Variants in DGKZ observed in about 807,000 individuals in gnomAD.
The protein encoded by DGKZ is diacylglycerol kinase zeta.
A neutral mutation model predicts 142.5 loss-of-function variants in DGKZ; 45 were observed. The observed-to-expected ratio is 0.32, with a 90% CI of 0.25 to 0.40. The LOEUF (loss-of-function observed/expected upper bound fraction) is 0.40, where lower values mean the gene tolerates loss of function less well. Ranked by LOEUF, DGKZ falls within the 10% of genes least tolerant of loss-of-function variation. The pLI is 1.00. For missense variants in DGKZ, 755 were observed against 1,306.5 expected (o/e 0.58, Z 6.51); for synonymous variants, 442 against 527.0 (o/e 0.84, Z 2.21).
chr11:46,337,252 A>T (rs2136375729), intron 1 of DGKZ, among the ~76,000 whole-genome samples: 3 of 149,988 alleles, frequency 2.0e-5, no homozygotes, highest in Admixed American at 2.0e-4. Context: ...TGGCTTCCAA[A>T]CTGGATCACC....
In DGKZ at chr11:46,372,109, C is replaced by G. The variant is rs759224919; in HGVS notation, c.866C>G (p.Thr289Ser). 1 of 1,611,862 alleles carries G rather than the reference C, an allele frequency of 6.2e-7. No homozygotes were observed. The highest frequency in any genetic ancestry group is 2.2e-5 in the East Asian group (1 of 44,840). Residue 289 changes from threonine to serine, a missense_variant, in exon 10 of 31, where the codon ACC (threonine) becomes AGC (serine). Thr to Ser is a moderately conservative substitution (Grantham distance 58). Coordinates refer to ENST00000527911, the Ensembl canonical transcript of DGKZ. The surrounding 1 kb of genome is among the most constrained non-coding windows in gnomAD (Gnocchi z 5.9). ...TGGAGACCCTTCATCATCAGGCCCA[C>G]CCCCTCCCCGCTCATGAAGCCCCTG...
intron 1 of DGKZ, among the ~76,000 whole-genome samples, chr11:46,359,763 C>A (rs1361127469): frequency 7.4e-5 from 11 of 148,668 alleles, no homozygotes; most frequent in African/African-American, 2.5e-4. Flanking sequence ...GCCATCATGC[C>A]CGGCTAATTT....
Position 46,372,113 on chromosome 11 carries a change from C to T in DGKZ, c.870C>T (p.Pro290=), listed in dbSNP as rs766973170. The T allele has an allele frequency of 6.2e-7, 1 of 1,612,104 alleles. No homozygotes were observed. The highest frequency in any genetic ancestry group is 8.5e-7 in the Non-Finnish European group (1 of 1,179,404). Residue 290 remains proline, a synonymous_variant, in exon 10 of 31, where the codon CCC becomes CCT. Transcript: ENST00000527911. This position sits in a 1 kb window ranked among gnomAD's most constrained non-coding sequence, Gnocchi z 5.9. ...GACCCTTCATCATCAGGCCCACCCC[C>T]TCCCCGCTCATGAAGCCCCTGCTGG...
chr11:46,345,424 G>A (rs530790566), upstream of DGKZ: 25 of 1,451,474 alleles, frequency 1.7e-5, no homozygotes, highest in Non-Finnish European at 2.3e-5. This position sits in a 1 kb window ranked among gnomAD's most constrained non-coding sequence, Gnocchi z 4.1. Flanking sequence ...GCGCACCGGG[G>A]GCTGGCCACA....
intron 8 of DGKZ, 33 bp downstream of exon 8, chr11:46,371,636 C>A: frequency 6.2e-7 from 1 of 1,613,404 alleles, no homozygotes; most frequent in Non-Finnish European, 8.5e-7. Context: ...ATGCCCCGTA[C>A]GCACTTGGGG....
At chr11:46,339,207 T>C (rs1353814128) in intron 1 of DGKZ, among the ~76,000 whole-genome samples, 2 of 152,110 alleles carry the variant, frequency 1.3e-5, no homozygotes, top group Non-Finnish European at 2.9e-5. Context: ...GATCCAACTC[T>C]CCCTGCGGCT....
intron 1 of DGKZ, chr11:46,333,534 C>T: frequency 6.7e-7 from 1 of 1,499,764 alleles, no homozygotes; most frequent in Non-Finnish European, 9.0e-7. Flanking sequence ...GGGACCACCC[C>T]TCTTGCAGGC....
chr11:46,367,308 C>T lies in DGKZ; in HGVS notation c.179C>T (p.Ser60Leu), dbSNP rs568978655. 1.9e-6 allele frequency: 3 copies of T among 1,612,304 alleles called. No homozygotes were observed. Among genetic ancestry groups the T allele is most frequent in the South Asian group, 1.1e-5 (1 of 91,036 alleles). ...CTCTCTAGGAAAGCCATCACCAAGT[C>T]GGGCCTCCAGCACCTGGCCCCCCCT... Residue 60 changes from serine (S) to leucine (L), a missense_variant, in exon 2 of 31, where the codon TCG (serine) becomes TTG (leucine). Coordinates refer to ENST00000527911, the Ensembl canonical transcript of DGKZ. This position sits in a 1 kb window ranked among gnomAD's most constrained non-coding sequence, Gnocchi z 4.1.
At chr11:46,369,596 G>C in intron 5 of DGKZ, 46 bp downstream of exon 5, 6 of 1,609,412 alleles carry the variant, frequency 3.7e-6, no homozygotes, top group Non-Finnish European at 5.1e-6. Context: ...TAAGATTCCT[G>C]CATGGGCCTC....
At chr11:46,351,849 T>G (rs573904951) in intron 1 of DGKZ, among the ~76,000 whole-genome samples, 54 of 152,338 alleles carry the variant, frequency 3.5e-4, no homozygotes, top group Non-Finnish European at 7.1e-4. Context: ...AGTCTCCCTC[T>G]GTGCCAAACG....
chr11:46,347,275 G>A, upstream of DGKZ: 2 of 979,578 alleles, frequency 2.0e-6, no homozygotes, highest in Non-Finnish European at 2.4e-6. The surrounding 1 kb of genome is among the most constrained non-coding windows in gnomAD (Gnocchi z 6.4). Context: ...CGGGCTGGGG[G>A]CAGGGCTTTC....
At chr11:46,366,080 C>A in intron 1 of DGKZ, 2 of 985,408 alleles carry the variant, frequency 2.0e-6, no homozygotes, top group Non-Finnish European at 2.4e-6. Context: ...GCAGTGACCC[C>A]TCCCTCCCTC....
Position 46,379,249 on chromosome 11 carries a change from G to T in DGKZ, c.2573+13G>T. The T allele has an allele frequency of 6.2e-7, 1 of 1,613,192 alleles. No homozygotes were observed. The highest frequency in any genetic ancestry group is 8.5e-7 in the Non-Finnish European group (1 of 1,179,948). ...CGGTGGAGGAAAAGTAAGTATCTGG[G>T]CAGTGCAGAACCGTGGTCACCCCGG... On this transcript the variant is annotated intron_variant, in intron 29 of 30. Transcript: ENST00000527911.
In DGKZ at chr11:46,367,386, C is replaced by T. The variant is rs758172144; in HGVS notation, c.257C>T (p.Thr86Ile). 5.0e-6 allele frequency: 8 copies of T among 1,613,134 alleles called. No individual in the cohort carries two copies. The Middle Eastern group carries it at 8.3e-4, about 167-fold the overall frequency. Reference sequence around the variant, plus strand: ...GAGTCAGAGCGGCAGATCCGGAGTACAGTGGACTGGAGCGTGAGTGCCTGA... The same window carrying T: ...GAGTCAGAGCGGCAGATCCGGAGTATAGTGGACTGGAGCGTGAGTGCCTGA... Residue 86 changes from threonine to isoleucine, a missense_variant, in exon 2 of 31, where the codon ACA (threonine) becomes ATA (isoleucine). Thr to Ile is a moderately conservative substitution (Grantham distance 89, BLOSUM62 -1). Transcript: ENST00000527911. This position sits in a 1 kb window ranked among gnomAD's most constrained non-coding sequence, Gnocchi z 4.1.
chr11:46,366,876 C>A, intron 1 of DGKZ: 1 of 1,547,274 alleles, frequency 6.5e-7, no homozygotes, highest in Non-Finnish European at 8.7e-7. Flanking sequence ...GCCTCAGGCA[C>A]CACCGCCGGC....
chr11:46,379,621 A>C, intron 30 of DGKZ, 53 bp downstream of exon 30: 2 of 1,497,582 alleles, frequency 1.3e-6, no homozygotes, highest in Non-Finnish European at 1.8e-6. Context: ...AACCTTTCCC[A>C]AGGTCCTAGG....
At chr11:46,345,295 A>G (rs557445031), upstream of DGKZ, 49 of 1,362,816 alleles carry the variant, frequency 3.6e-5, no homozygotes, top group East Asian at 1.4e-3. The surrounding 1 kb of genome is among the most constrained non-coding windows in gnomAD (Gnocchi z 4.1). Context: ...GAAGGCGCCT[A>G]TGAGCCCTGA....
At chr11:46,378,953 C>T (rs1469679772) in intron 27 of DGKZ, 38 bp from the exon 28 acceptor site, 2 of 1,506,470 alleles carry the variant, frequency 1.3e-6, no homozygotes, top group Non-Finnish European at 1.8e-6. Context: ...GAGGGGTGGC[C>T]CCAGGAGGTC....
upstream of DGKZ, chr11:46,345,353 C>G (rs757916298): frequency 1.1e-5 from 15 of 1,394,248 alleles, no homozygotes; most frequent in East Asian, 6.0e-5. This position sits in a 1 kb window ranked among gnomAD's most constrained non-coding sequence, Gnocchi z 4.1. Context: ...GCAGGCCCCC[C>G]CCTCGACCCC....
Sources: allele counts gnomAD v4.1 joint callset (sites outside exome capture counted in the v4.1 genomes callset), GRCh38; gene constraint gnomAD v4.1.1; non-coding constraint Gnocchi (gnomAD v3.1); transcripts MANE v1.5; gene names NCBI Gene and HGNC (gene_info 2026-07-23, HGNC 2026-07-21).